KIF13B: variants seen among roughly 807,000 people sequenced by gnomAD.
KIF13B encodes the protein kinesin family member 13B.
KIF13B carries 127 observed loss-of-function variants against 222.0 expected under a neutral mutation model. That is an observed-to-expected ratio of 0.57 (90% CI 0.50 to 0.66). KIF13B has a LOEUF of 0.66. Among genes scored for constraint, KIF13B ranks in the 30% least tolerant of loss-of-function variants. KIF13B has a pLI of 0.00. For missense variants in KIF13B, 2,173 were observed against 2,379.0 expected (o/e 0.91, Z 1.80); for synonymous variants, 976 against 919.0 (o/e 1.06, Z -1.12).
rs763608396 is a variant in KIF13B at position 29,127,135 on chromosome 8, T to C, written c.3209A>G (p.His1070Arg). The C allele has an allele frequency of 3.7e-6, 6 of 1,613,698 alleles. No individual in the cohort carries two copies. The highest frequency in any genetic ancestry group is 2.2e-5 in the East Asian group (1 of 44,900). Residue 1070 changes from histidine (H) to arginine (R), a missense_variant, in exon 25 of 40, where the codon CAT (histidine) becomes CGT (arginine). This residue lies in a region of KIF13B where 1,480 missense variants were observed against 1,722.8 expected (regional missense o/e 0.86). Transcript: ENST00000524189. ...KVRPLRAPRTHETFHEEEEDM... is the reference protein window; with the variant it reads ...KVRPLRAPRTRETFHEEEEDM... ...ATAGAAACTTACATGGAAGGTCTCA[T>C]GTGTTCTGGGGGCTCTGAGCGGTCT...
In KIF13B at chr8:29,248,143, C is replaced by T. The variant is rs548435333; in HGVS notation, c.56-2704G>A. ...CACTTCAGATAATAGTCCAGCAGCT[C>T]CTCAAAAAGTTAAACAGCGTTACCA... is the stretch of plus-strand genomic sequence containing the variant. On this transcript the variant is annotated intron_variant, in intron 1 of 39. Transcript: ENST00000524189. Among the ~76,000 whole-genome samples the T allele has an allele frequency of 1.3e-3, 205 of 152,228 alleles. 1 individual carries two copies. The highest frequency in any genetic ancestry group is 4.5e-3 in the African/African-American group (186 of 41,530).
At chr8:29,093,406 C>A (rs1255838285) in intron 36 of KIF13B, among the ~76,000 whole-genome samples, 3 of 152,166 alleles carry the variant, frequency 2.0e-5, no homozygotes, top group Non-Finnish European at 2.9e-5. Flanking sequence ...ACGCCCTGAA[C>A]AACTTACGTT....
At chr8:29,123,043 T>G (rs189115104) in intron 28 of KIF13B, among the ~76,000 whole-genome samples, 454 of 152,356 alleles carry the variant, frequency 3.0e-3, no homozygotes, top group African/African-American at 0.01. Flanking sequence ...AATTTTCTTA[T>G]GACCGAACAG....
chr8:29,210,005 A>ATGAT (rs1293569846), intron 2 of KIF13B, among the ~76,000 whole-genome samples: 2 of 152,124 alleles, frequency 1.3e-5, no homozygotes, highest in East Asian at 3.9e-4. Context: ...GCAGTAAGCC[A>ATGAT]TGATTGCATC....
At chr8:29,215,984 A>G (rs1196889956) in intron 2 of KIF13B, among the ~76,000 whole-genome samples, 1 of 152,256 alleles carries the variant, frequency 6.6e-6, no homozygotes, top group African/African-American at 2.4e-5. Context: ...GTAGATAAAC[A>G]GACAATACAC....
intron 2 of KIF13B, among the ~76,000 whole-genome samples, chr8:29,210,901 G>C (rs1814191902): frequency 6.6e-6 from 1 of 152,210 alleles, no homozygotes; most frequent in Non-Finnish European, 1.5e-5. Context: ...CAGGAAAAGA[G>C]GTACCTGGTA....
intron 2 of KIF13B, among the ~76,000 whole-genome samples, chr8:29,202,257 A>G (rs1282806102): frequency 6.6e-6 from 1 of 152,172 alleles, no homozygotes; most frequent in Non-Finnish European, 1.5e-5. Flanking sequence ...GTTTTAGGTC[A>G]CTTCCAGGGC....
chr8:29,162,557 T>C (rs1811827200), intron 12 of KIF13B, among the ~76,000 whole-genome samples: 1 of 152,230 alleles, frequency 6.6e-6, no homozygotes, highest in Non-Finnish European at 1.5e-5. Context: ...GGTAACTAAC[T>C]ATACCTTTCT....
At chr8:29,143,353 T>C (rs1005946848) in intron 18 of KIF13B, among the ~76,000 whole-genome samples, 11 of 152,212 alleles carry the variant, frequency 7.2e-5, no homozygotes, top group African/African-American at 2.7e-4. Context: ...ATGGATGGCA[T>C]CTTCAGGGGG....
intron 7 of KIF13B, among the ~76,000 whole-genome samples, chr8:29,180,657 A>T (rs939871278): frequency 6.6e-5 from 10 of 152,354 alleles, no homozygotes; most frequent in Admixed American, 6.5e-4. Flanking sequence ...TTGTCGCTTC[A>T]TACAGGCATA....
intron 13 of KIF13B, among the ~76,000 whole-genome samples, chr8:29,156,495 G>C (rs1322899904): frequency 6.6e-6 from 1 of 151,676 alleles, no homozygotes. Flanking sequence ...CACTATCGCA[G>C]TCTTAGTCAC....
upstream of KIF13B, chr8:29,263,205 T>G: frequency 1.7e-6 from 1 of 572,648 alleles, no homozygotes; most frequent in Non-Finnish European, 2.9e-6. Flanking sequence ...GGACTTGTAG[T>G]TCCCCAGGGT....
intron 6 of KIF13B, 65 bp downstream of exon 6, chr8:29,186,227 C>T: frequency 7.6e-7 from 1 of 1,320,854 alleles, no homozygotes; most frequent in Non-Finnish European, 1.1e-6. Context: ...AAGATTTGCA[C>T]TTAAGCCAAT....
intron 2 of KIF13B, among the ~76,000 whole-genome samples, chr8:29,197,587 A>G (rs566688154): frequency 6.6e-6 from 1 of 152,216 alleles, no homozygotes; most frequent in East Asian, 1.9e-4. Flanking sequence ...GGTAAGTTGC[A>G]AACATGCCTC....
chr8:29,181,031 G>A (rs1054540779), intron 7 of KIF13B, among the ~76,000 whole-genome samples: 5 of 152,146 alleles, frequency 3.3e-5, no homozygotes, highest in African/African-American at 7.2e-5. Context: ...ACATATGGCC[G>A]AGCTAAGAGA....
At chr8:29,115,770 G>A (rs1809565370) in intron 31 of KIF13B, among the ~76,000 whole-genome samples, 1 of 152,044 alleles carries the variant, frequency 6.6e-6, no homozygotes, top group African/African-American at 2.4e-5. Flanking sequence ...CCCCGATCCT[G>A]CCCCGTCCTG....
chr8:29,191,412 AAG>A (rs1374280545), intron 3 of KIF13B, among the ~76,000 whole-genome samples: 4 of 152,172 alleles, frequency 2.6e-5, no homozygotes, highest in Non-Finnish European at 5.9e-5. Context: ...GTCAAAGAAA[AAG>A]ATATTTTTTA....
intron 27 of KIF13B, 92 bp from the exon 28 acceptor site, chr8:29,123,584 A>T: frequency 6.6e-7 from 1 of 1,513,658 alleles, no homozygotes; most frequent in East Asian, 2.3e-5. Context: ...CTATATTTCA[A>T]TTATTAGCTC....
chr8:29,172,892 C>A (rs1364278862), intron 10 of KIF13B, among the ~76,000 whole-genome samples: 2 of 151,540 alleles, frequency 1.3e-5, no homozygotes, highest in African/African-American at 4.8e-5. Context: ...ATTAAGTTAA[C>A]AAAAGATATT....
Sources: gnomAD v4.1 joint callset for allele counts (sites outside exome capture counted in the v4.1 genomes callset) on GRCh38, gnomAD v4.1.1 for gene constraint, gnomAD v4.1.1 regional missense constraint, MANE v1.5 for transcripts, NCBI Gene and HGNC (gene_info 2026-07-23, HGNC 2026-07-21) for gene names.